Variants in CUX1 observed in about 807,000 individuals in gnomAD.
CUX1 encodes the protein cut like homeobox 1.
Under a neutral mutation model 158.8 loss-of-function variants are expected in CUX1, and 31 were observed. The ratio of observed to expected loss-of-function variants is 0.20; its 90% confidence interval spans 0.15 to 0.26. The LOEUF is 0.26. CUX1 is among the 10% of genes least tolerant of loss of function. The pLI is 1.00. For synonymous variants in CUX1, 879 were observed against 862.1 expected (o/e 1.02, Z -0.34); for missense variants, 1,589 against 2,014.6 (o/e 0.79, Z 4.04).
chr7:101,867,618 C>T (rs1013077155), intron 1 of CUX1, among the ~76,000 whole-genome samples: 2 of 152,186 alleles, frequency 1.3e-5, no homozygotes, highest in Non-Finnish European at 2.9e-5. Context: ...TCTGAAGGAG[C>T]GGGATGCTGC....
At chr7:102,102,645 C>T (rs558088089) in intron 5 of CUX1, among the ~76,000 whole-genome samples, 30 of 152,252 alleles carry the variant, frequency 2.0e-4, no homozygotes, top group Admixed American at 1.2e-3. Flanking sequence ...TGCCCGGCCT[C>T]GGCTCCTTCA....
rs58022889 is a variant in CUX1 at position 102,035,763 on chromosome 7, GGAGA to G, written c.189+7625_189+7628del. Among the ~76,000 whole-genome samples the G allele has an allele frequency of 8.8e-3, 1,337 of 151,698 alleles. 18 individuals carry two copies. The highest frequency in any genetic ancestry group is 0.031 in the African/African-American group (1,281 of 41,332). On this transcript the variant is annotated intron_variant, in intron 3 of 23. Coordinates refer to ENST00000292535, the MANE Select transcript of CUX1 (RefSeq NM_181552.4). ...GAAGGATATTAAAGGAGAGTTAAAT[GGAGA>G]GAGAGAAAGTATACAAGGAGAGAAA...
At chr7:102,117,517 G>T (rs1315066844) in intron 8 of CUX1, among the ~76,000 whole-genome samples, 1 of 152,102 alleles carries the variant, frequency 6.6e-6, no homozygotes, top group Non-Finnish European at 1.5e-5. Context: ...GCGGGGAAAG[G>T]TAGCTAGAGA....
intron 3 of CUX1, among the ~76,000 whole-genome samples, chr7:102,029,978 A>G (rs976215293): frequency 1.3e-5 from 2 of 151,844 alleles, no homozygotes; most frequent in African/African-American, 4.8e-5. Flanking sequence ...AAAGCTGTGT[A>G]AAAATGGAAA....
chr7:102,254,841 G>T lies in CUX1; in HGVS notation c.*5799G>T, dbSNP rs1554541492. ...TGGCCGGCACACTCGAACGCTAAGA[G>T]AATGGTCCAATTTGATGATCTTATT... On this transcript the variant is annotated 3_prime_UTR_variant, in exon 24 of 24. Coordinates refer to ENST00000292535, the MANE Select transcript of CUX1 (RefSeq NM_181552.4). 3.0e-6 allele frequency: 3 copies of T among 985,370 alleles called. No individual in the cohort carries two copies. In the African/African-American group the frequency reaches 5.2e-5, roughly 17 times the overall value. 61.0% of individuals were successfully genotyped at this position (985,370 alleles called of 1,614,324 possible). A position where few individuals can be genotyped will look rare whatever the true frequency, so the allele number is the denominator to read the frequency against.
In CUX1 at chr7:102,249,230, TCCAAGGCCGCGGCCCAGAC is replaced by T; in HGVS notation, c.*192_*210del. ...GGCCTGCACCGACCCGAGGCCCAGA[TCCAAGGCCGCGGCCCAGAC>T]CCACTCTGCGGCCCGGGCCGACCCT... On this transcript the variant is annotated 3_prime_UTR_variant, in exon 24 of 24. Transcript: ENST00000292535. The T allele has an allele frequency of 9.2e-7, 1 of 1,087,810 alleles. No individual in the cohort carries two copies. The highest frequency in any genetic ancestry group is 1.1e-6 in the Non-Finnish European group (1 of 895,468). 67.4% of individuals were successfully genotyped at this position (1,087,810 alleles called of 1,614,324 possible). A position where few individuals can be genotyped will look rare whatever the true frequency, so the allele number is the denominator to read the frequency against.
intron 14 of CUX1, among the ~76,000 whole-genome samples, chr7:102,267,272 G>A (rs920573825): frequency 2.0e-5 from 3 of 152,144 alleles, no homozygotes; most frequent in Admixed American, 1.3e-4. Flanking sequence ...TGTGGCTCAT[G>A]CCTGTAATCC....
At chr7:102,167,393 G>A (rs1554509151) in intron 9 of CUX1, among the ~76,000 whole-genome samples, 2 of 152,152 alleles carry the variant, frequency 1.3e-5, no homozygotes, top group Non-Finnish European at 2.9e-5. Flanking sequence ...CGCTCTGAAC[G>A]GCTAAATGCC....
chr7:101,877,498 C>T (rs376857185), intron 1 of CUX1, among the ~76,000 whole-genome samples: 5 of 152,150 alleles, frequency 3.3e-5, no homozygotes, highest in African/African-American at 1.2e-4. Context: ...ATCAGCCTGG[C>T]CAACATGGCA....
intron 2 of CUX1, among the ~76,000 whole-genome samples, chr7:102,023,831 T>C (rs1819676809): frequency 6.6e-6 from 1 of 152,220 alleles, no homozygotes; most frequent in African/African-American, 2.4e-5. Flanking sequence ...TTCAACTGTC[T>C]TTAAATATGT....
In CUX1 at chr7:102,111,478, C is replaced by T. The variant is rs200541736; in HGVS notation, c.531-220C>T. Reference sequence around the variant, plus strand: ...GCCAGTTACCACCCATCAAGCCCCACGGGTTGCACACTTGCCGTGATGTGA... The same window carrying T: ...GCCAGTTACCACCCATCAAGCCCCATGGGTTGCACACTTGCCGTGATGTGA... On this transcript the variant is annotated intron_variant, in intron 6 of 23. Coordinates refer to ENST00000292535, the MANE Select transcript of CUX1 (RefSeq NM_181552.4). Among the ~76,000 whole-genome samples the T allele has an allele frequency of 1.9e-4, 29 of 152,248 alleles. No individual in the cohort carries two copies. In the East Asian group the frequency reaches 2.3e-3, roughly 12 times the overall value.
chr7:101,881,069 T>C (rs1799656106), intron 1 of CUX1, among the ~76,000 whole-genome samples: 1 of 152,116 alleles, frequency 6.6e-6, no homozygotes. Context: ...GTTACAAGTA[T>C]TACCTGTAGG....
chr7:101,889,536 C>T (rs1469297548), intron 1 of CUX1, among the ~76,000 whole-genome samples: 5 of 152,046 alleles, frequency 3.3e-5, no homozygotes, highest in African/African-American at 7.2e-5. Flanking sequence ...TTTGGGAGGC[C>T]GAGGCCGGCG....
At position 102,201,585 on chromosome 7, in the gene CUX1, C is replaced by T. The variant is rs1307095083; in HGVS notation, c.2288C>T (p.Ser763Phe). The change falls in exon 18 of 24, where the codon TCC becomes TTC. Residue 763 changes from serine to phenylalanine, a missense_variant. This residue lies in a region of CUX1 where 337 missense variants were observed against 409.3 expected (regional missense o/e 0.82). Coordinates refer to ENST00000292535, the MANE Select transcript of CUX1 (RefSeq NM_181552.4). The surrounding 1 kb of genome is among the most constrained non-coding windows in gnomAD (Gnocchi z 5.0). Reference protein sequence around the residue: ...TVSSYPPLAISLKKPSAAPEA... With the variant: ...TVSSYPPLAIFLKKPSAAPEA... ...TCCAGCTACCCACCTCTCGCCATCT[C>T]CCTGAAGAAGCCCTCCGCAGCTCCT... 3 of 1,614,170 alleles carry T rather than the reference C, an allele frequency of 1.9e-6. No individual in the cohort carries two copies. The highest frequency in any genetic ancestry group is 1.1e-5 in the South Asian group (1 of 91,080).
In CUX1 at chr7:102,160,089, G is replaced by A. The variant is rs782499164; in HGVS notation, c.723+1481G>A. Reference sequence around the variant, plus strand: ...CCAGCTGTTCAGGAGGCTGAGGCAGGAGAATCACTTGAACCCAGAAGGCAG... The same window carrying A: ...CCAGCTGTTCAGGAGGCTGAGGCAGAAGAATCACTTGAACCCAGAAGGCAG... On this transcript the variant is annotated intron_variant, in intron 9 of 23. Coordinates refer to ENST00000292535, the MANE Select transcript of CUX1 (RefSeq NM_181552.4). 5.3e-5 allele frequency among the ~76,000 whole-genome samples: 8 copies of A among 152,020 alleles called. No individual in the cohort carries two copies. The South Asian group carries it at 6.2e-4, about 12-fold the overall frequency.
intron 10 of CUX1, among the ~76,000 whole-genome samples, chr7:102,175,601 G>C (rs1054155072): frequency 1.3e-5 from 2 of 151,878 alleles, no homozygotes; most frequent in African/African-American, 2.4e-5. Flanking sequence ...CATGTCCTCC[G>C]CCCTTCCCCG....
At chr7:101,935,312 C>G (rs546407234) in intron 2 of CUX1, among the ~76,000 whole-genome samples, 5 of 152,134 alleles carry the variant, frequency 3.3e-5, no homozygotes, top group African/African-American at 9.7e-5. Context: ...TAAAACGGCC[C>G]CACCCCTTTC....
intron 4 of CUX1, among the ~76,000 whole-genome samples, chr7:102,090,419 G>A (rs377467959): frequency 4.7e-5 from 7 of 150,086 alleles, no homozygotes; most frequent in South Asian, 2.1e-4. Context: ...ATGGAGTCTC[G>A]CTCTGTCACC....
At chr7:101,852,930 G>A (rs1001362412) in intron 1 of CUX1, among the ~76,000 whole-genome samples, 4 of 152,020 alleles carry the variant, frequency 2.6e-5, no homozygotes, top group South Asian at 2.1e-4. Context: ...CACCTGCCTC[G>A]TCCTCCCAAA....
Sources: allele counts gnomAD v4.1 joint callset (sites outside exome capture counted in the v4.1 genomes callset), GRCh38; gene constraint gnomAD v4.1.1; regional missense constraint gnomAD v4.1.1; non-coding constraint Gnocchi (gnomAD v3.1); transcripts MANE v1.5; gene names NCBI Gene and HGNC (gene_info 2026-07-23, HGNC 2026-07-21).